GABRB3: variants seen among roughly 807,000 people sequenced by gnomAD.
GABRB3 encodes the protein gamma-aminobutyric acid receptor subunit beta-3.
A neutral mutation model predicts 52.1 loss-of-function variants in GABRB3; 14 were observed. The observed-to-expected ratio is 0.27, with a 90% CI of 0.18 to 0.42. The LOEUF is 0.42. Ranked by LOEUF, GABRB3 falls within the 10% of genes least tolerant of loss-of-function variation. GABRB3 has a pLI of 1.00. For synonymous variants in GABRB3, 260 were observed against 232.3 expected (o/e 1.12, Z -1.08); for missense variants, 307 against 609.1 (o/e 0.50, Z 5.22).
Position 26,553,265 on chromosome 15 carries a change from C to T in GABRB3, c.1081-5131G>A, listed in dbSNP as rs1429198097. On this transcript the variant is annotated intron_variant, in intron 8 of 8. Coordinates refer to ENST00000311550, the MANE Select transcript of GABRB3 (RefSeq NM_000814.6). The stretch of plus-strand genomic sequence containing the variant: ...TCCCAGGTTCACACCATTCTCCCGC[C>T]TCAGCCTCCCAAGTAGCTGGGACTA... 2.0e-5 allele frequency: 3 copies of T among 152,288 alleles called. No homozygotes were observed. The East Asian group carries it at 5.8e-4, about 29-fold the overall frequency. 9.4% of individuals were successfully genotyped at this position (152,288 alleles called of 1,614,324 possible). A position where few individuals can be genotyped will look rare whatever the true frequency, so the allele number is the denominator to read the frequency against.
At chr15:26,550,498 T>A (rs149629706) in intron 8 of GABRB3, among the ~76,000 whole-genome samples, 87 of 152,350 alleles carry the variant, frequency 5.7e-4, no homozygotes, top group Non-Finnish European at 9.8e-4. Context: ...TAACAGGTGC[T>A]GGCAAGACAG....
rs560000628 is a variant in GABRB3 at position 26,590,150 on chromosome 15, T to C, written c.462-6736A>G. On this transcript the variant is annotated intron_variant, in intron 4 of 8. Coordinates refer to ENST00000311550, the MANE Select transcript of GABRB3 (RefSeq NM_000814.6). ...ACCTGCAGAATTCAATCCTGCAGAA[T>C]TGAATCCAACATCAGTGTGCGAGAG... 7.2e-5 allele frequency: 11 copies of C among 152,310 alleles called. No homozygotes were observed. In the East Asian group the frequency reaches 7.7e-4, roughly 11 times the overall value. 9.4% of individuals were successfully genotyped at this position (152,310 alleles called of 1,614,324 possible).
At position 26,762,524 on chromosome 15, in the gene GABRB3, GA is replaced by G. The variant is rs530816281; in HGVS notation, c.240+9877del. Among the ~76,000 whole-genome samples, 175 of 151,184 alleles carry G rather than the reference GA, an allele frequency of 1.2e-3. 9 individuals are homozygous for G. The South Asian group carries it at 0.035, about 30-fold the overall frequency. ...TAAGGGCCCCTCACCCCTTCACAAA[GA>G]AAAAAAAATTTCCAGTCAAATATAT... is the stretch of plus-strand genomic sequence containing the variant. On this transcript the variant is annotated intron_variant, in intron 3 of 8. Transcript: ENST00000311550.
chr15:26,647,772 G>T (rs1310949061), intron 3 of GABRB3, among the ~76,000 whole-genome samples: 1 of 152,152 alleles, frequency 6.6e-6, no homozygotes, highest in African/African-American at 2.4e-5. Context: ...TGTTAGAAAA[G>T]GCAGGATAAG....
chr15:26,590,270 T>C (rs1338514471), intron 4 of GABRB3: 1 of 152,170 alleles, frequency 6.6e-6, no homozygotes, highest in Admixed American at 6.5e-5. Flanking sequence ...TAGCAGGACC[T>C]GGAAGCAAGT....
intron 3 of GABRB3, among the ~76,000 whole-genome samples, chr15:26,727,380 C>G (rs956110537): frequency 6.6e-6 from 1 of 152,052 alleles, no homozygotes; most frequent in African/African-American, 2.4e-5. Flanking sequence ...CTATGGAATA[C>G]TTTTATTCTA....
At position 26,664,898 on chromosome 15, in the gene GABRB3, C is replaced by T. The variant is rs367619746; in HGVS notation, c.241-43364G>A. Among the ~76,000 whole-genome samples the T allele has an allele frequency of 2.2e-4, 33 of 151,946 alleles. 1 individual carries two copies. The highest frequency in any genetic ancestry group is 7.9e-4 in the Admixed American group (12 of 15,274). ...TATTTTTAGTACAGACAGGGTTTCTCCGTGTTGGTCAGGCTGGTCTCAAAC... is the reference window on the plus strand; with the variant it reads ...TATTTTTAGTACAGACAGGGTTTCTTCGTGTTGGTCAGGCTGGTCTCAAAC... On this transcript the variant is annotated intron_variant, in intron 3 of 8. Coordinates refer to ENST00000311550, the MANE Select transcript of GABRB3 (RefSeq NM_000814.6).
intron 7 of GABRB3, among the ~76,000 whole-genome samples, chr15:26,563,726 C>A (rs1281662278): frequency 1.3e-5 from 2 of 152,156 alleles, no homozygotes; most frequent in Non-Finnish European, 2.9e-5. Context: ...CTTGCCTTGA[C>A]CTTCTGCTCT....
At chr15:26,760,899 A>G (rs1890804199) in intron 3 of GABRB3, among the ~76,000 whole-genome samples, 1 of 151,974 alleles carries the variant, frequency 6.6e-6, no homozygotes, top group Non-Finnish European at 1.5e-5. Flanking sequence ...ATCTGCTTTC[A>G]TTTACTCACC....
chr15:26,563,300 G>A (rs910663594), intron 7 of GABRB3, among the ~76,000 whole-genome samples: 40 of 152,306 alleles, frequency 2.6e-4, no homozygotes, highest in African/African-American at 7.9e-4. Flanking sequence ...CTAGGACCCT[G>A]GATCCAGGCT....
At chr15:26,560,817 G>T (rs1028564468) in intron 8 of GABRB3, 115 bp downstream of exon 8, 2 of 1,441,770 alleles carry the variant, frequency 1.4e-6, no homozygotes, top group Middle Eastern at 2.4e-4. Flanking sequence ...AGTACAAGAA[G>T]GGTGTGTGGC....
chr15:26,561,180 G>A lies in GABRB3; in HGVS notation c.836-4C>T, dbSNP rs1181044883. ...ATTGTCAGCACAGTTGTGATCCCTA[G>A]AAAAGAAACAAAGTGGTGAGAGGCT... On this transcript the variant is annotated splice_region_variant and splice_polypyrimidine_tract_variant and intron_variant, in intron 7 of 8. Transcript: ENST00000311550. The A allele has an allele frequency of 1.2e-6, 2 of 1,613,742 alleles. No homozygotes were observed. The highest frequency in any genetic ancestry group is 1.7e-6 in the Non-Finnish European group (2 of 1,180,040).
rs1266025180 is a variant in GABRB3 at position 26,547,441 on chromosome 15, T to G, written c.*352A>C. 4.4e-6 allele frequency: 2 copies of G among 457,708 alleles called. No individual in the cohort carries two copies. Among genetic ancestry groups the G allele is most frequent in the African/African-American group, 2.0e-5 (1 of 50,052 alleles). 28.4% of individuals were successfully genotyped at this position (457,708 alleles called of 1,614,324 possible). ...TCACGCCCTCATTCTCAAGGCATAA[T>G]ATTTAGATGATACTTGTCCCTTTCA... is the stretch of plus-strand genomic sequence containing the variant. On this transcript the variant is annotated 3_prime_UTR_variant, in exon 9 of 9. Transcript: ENST00000311550.
chr15:26,670,309 G>A (rs1382546196), intron 3 of GABRB3, among the ~76,000 whole-genome samples: 1 of 152,186 alleles, frequency 6.6e-6, no homozygotes, highest in Non-Finnish European at 1.5e-5. Context: ...CCGGGACACA[G>A]TCTGCAGCAG....
chr15:26,583,362 C>T lies in GABRB3; in HGVS notation c.514G>A (p.Glu172Lys). ...TCAATTTCCAGAGTGCAGTTCTGCT[C>T]GTCCAGGGGGTATCTCCTGAGGTCC... is the stretch of plus-strand genomic sequence containing the variant. The part of the protein sequence containing the change: ...MMDLRRYPLD[E>K]QNCTLEIESY... Residue 172 changes from glutamate to lysine, a missense_variant, in exon 5 of 9, where the codon GAG becomes AAG. Coordinates refer to ENST00000311550, the MANE Select transcript of GABRB3 (RefSeq NM_000814.6). 6.2e-7 allele frequency: 1 copy of T among 1,613,984 alleles called. No homozygotes were observed. Among genetic ancestry groups the T allele is most frequent in the Non-Finnish European group, 8.5e-7 (1 of 1,179,918 alleles).
chr15:26,558,070 T>G (rs1404999083), intron 8 of GABRB3: 1 of 152,192 alleles, frequency 6.6e-6, no homozygotes, highest in Non-Finnish European at 1.5e-5. Context: ...TGGATACGTG[T>G]GCCTCTGTGA....
chr15:26,703,482 T>C (rs960328578), intron 3 of GABRB3, among the ~76,000 whole-genome samples: 1 of 152,144 alleles, frequency 6.6e-6, no homozygotes, highest in Non-Finnish European at 1.5e-5. Context: ...CTAAACGCTG[T>C]CCTTTTCACA....
chr15:26,561,484 G>A (rs756071132), intron 7 of GABRB3, among the ~76,000 whole-genome samples: 9 of 145,926 alleles, frequency 6.2e-5, no homozygotes, highest in Non-Finnish European at 1.0e-4. Flanking sequence ...TAGAAGAAGA[G>A]ATATGTAGAG....
At chr15:26,767,629 A>G (rs1191998082) in intron 3 of GABRB3, among the ~76,000 whole-genome samples, 2 of 152,264 alleles carry the variant, frequency 1.3e-5, no homozygotes, top group Non-Finnish European at 2.9e-5. Flanking sequence ...TAAACACACT[A>G]CATGGACCCC....
Sources: gnomAD v4.1 joint callset for allele counts (sites outside exome capture counted in the v4.1 genomes callset) on GRCh38, gnomAD v4.1.1 for gene constraint, MANE v1.5 for transcripts, NCBI Gene and HGNC (gene_info 2026-07-23, HGNC 2026-07-21) for gene names.